The following MRTFB variants were observed in gnomAD, a reference collection of about 807,000 sequenced individuals.
MRTFB encodes myocardin-related transcription factor B.
In MRTFB, 29 loss-of-function variants were observed where a neutral mutation model predicts 104.2. The observed-to-expected ratio is 0.28, with a 90% CI of 0.21 to 0.38. The LOEUF is 0.38. MRTFB is among the 10% of genes least tolerant of loss of function. The probability of loss-of-function intolerance (pLI) is 1.00; values close to 1 mark genes in which losing one functional copy is unlikely to be tolerated. For missense variants in MRTFB, 1,270 were observed against 1,341.6 expected, an observed-to-expected ratio of 0.95 and a Z score of 0.83; for synonymous variants, 535 against 519.5, an observed-to-expected ratio of 1.03 and a Z score of -0.41.
At chr16:14,119,787 G>C (rs1346311609) in intron 2 of MRTFB, among the ~76,000 whole-genome samples, 1 of 152,130 alleles carries the variant, frequency 6.6e-6, no homozygotes, top group East Asian at 1.9e-4. Flanking sequence ...CTTAGTGTAG[G>C]AGTTTAGTCT....
chr16:14,193,272 T>C (rs994901301), intron 3 of MRTFB, among the ~76,000 whole-genome samples: 2 of 150,954 alleles, frequency 1.3e-5, no homozygotes, highest in African/African-American at 2.4e-5. Context: ...TCCTATTCCG[T>C]TGTGTCACTG....
the MRTFB span, among the ~76,000 whole-genome samples, chr16:14,049,101 G>A: frequency 5.9e-5 from 9 of 152,174 alleles, no homozygotes; most frequent in African/African-American, 1.7e-4. Flanking sequence ...TACTACTGGC[G>A]TCTAGTGGGT....
chr16:14,016,447 A>T, the MRTFB span, among the ~76,000 whole-genome samples: 1 of 151,888 alleles, frequency 6.6e-6, no homozygotes, highest in African/African-American at 2.4e-5. Context: ...TCGATGATGG[A>T]TATTTGTGGT....
intron 9 of MRTFB, among the ~76,000 whole-genome samples, chr16:14,237,308 A>G (rs2042562702): frequency 6.6e-6 from 1 of 152,236 alleles, no homozygotes. Context: ...AGACTCAGCA[A>G]AAACAGCTAG....
At chr16:14,073,994 A>G (rs1331802224) in intron 1 of MRTFB, among the ~76,000 whole-genome samples, 1 of 152,190 alleles carries the variant, frequency 6.6e-6, no homozygotes, top group Admixed American at 6.5e-5. Flanking sequence ...TATAACATTT[A>G]TATATGTTAC....
At chr16:14,252,106 T>C in intron 14 of MRTFB, 83 bp downstream of exon 14, 2 of 1,449,844 alleles carry the variant, frequency 1.4e-6, no homozygotes, top group East Asian at 4.6e-5. Flanking sequence ...GGGCTTGGAG[T>C]GACTAATGTT....
chr16:14,170,379 A>AGG (rs1369696028), intron 3 of MRTFB: 2 of 152,212 alleles, frequency 1.3e-5, no homozygotes, highest in Non-Finnish European at 2.9e-5. Context: ...TTGCAACCAC[A>AGG]ATCTGGGTGA....
chr16:14,097,534 G>A (rs1300073462), intron 2 of MRTFB, among the ~76,000 whole-genome samples: 1 of 152,148 alleles, frequency 6.6e-6, no homozygotes, highest in Non-Finnish European at 1.5e-5. Context: ...AATTCAAATG[G>A]GATATTATAA....
chr16:14,131,199 CA>C, intron 2 of MRTFB, among the ~76,000 whole-genome samples: 1 of 152,216 alleles, frequency 6.6e-6, no homozygotes, highest in East Asian at 1.9e-4. Context: ...CCCTATACTA[CA>C]CTGTCTCTGT....
chr16:14,155,913 A>G (rs2038809239), intron 3 of MRTFB, among the ~76,000 whole-genome samples: 1 of 152,188 alleles, frequency 6.6e-6, no homozygotes, highest in Non-Finnish European at 1.5e-5. Flanking sequence ...CTTTTTCAGC[A>G]TAGATCCTGT....
chr16:14,249,439 G>T (rs1426110589), intron 13 of MRTFB, among the ~76,000 whole-genome samples: 1 of 152,170 alleles, frequency 6.6e-6, no homozygotes, highest in Non-Finnish European at 1.5e-5. Flanking sequence ...CTGTTCCCTT[G>T]GAAAAGGTAT....
At chr16:14,211,496 A>G (rs529898852) in intron 4 of MRTFB, among the ~76,000 whole-genome samples, 1 of 152,282 alleles carries the variant, frequency 6.6e-6, no homozygotes, top group South Asian at 2.1e-4. Flanking sequence ...AGCCCAAGGA[A>G]TCCCAGTCCT....
intron 3 of MRTFB, among the ~76,000 whole-genome samples, chr16:14,174,277 T>A (rs541603492): frequency 6.6e-6 from 1 of 152,222 alleles, no homozygotes; most frequent in Non-Finnish European, 1.5e-5. Flanking sequence ...TGTGTCTATG[T>A]CACATTGTAT....
chr16:14,208,658 ACTTTAGCATTCCT>A (rs1015432860), intron 3 of MRTFB, among the ~76,000 whole-genome samples: 2 of 152,220 alleles, frequency 1.3e-5, no homozygotes, highest in Admixed American at 1.3e-4. Context: ...ACAAGCATTT[ACTTTAGCATTCCT>A]AGAAGAATGT....
At chr16:14,196,591 T>C (rs1257395955) in intron 3 of MRTFB, among the ~76,000 whole-genome samples, 4 of 152,378 alleles carry the variant, frequency 2.6e-5, no homozygotes, top group Admixed American at 2.0e-4. Flanking sequence ...TGAATAGTTT[T>C]TCAGTTAACT....
chr16:14,219,096 T>A, intron 8 of MRTFB, 98 bp downstream of exon 8: 1 of 1,214,138 alleles, frequency 8.2e-7, no homozygotes, highest in Non-Finnish European at 1.1e-6. Flanking sequence ...AAATTCTGAA[T>A]TGAATTTAAA....
rs562013410 is a variant in MRTFB at position 14,192,685 on chromosome 16, G to A, written c.155-17558G>A. Among the ~76,000 whole-genome samples, 3 of 152,246 alleles carry A rather than the reference G, an allele frequency of 2.0e-5. No homozygotes were observed. The South Asian group carries it at 6.2e-4, about 32-fold the overall frequency. ...CACATACACGAGATAACAGAAAAAA[G>A]CTATGTATGCTTTGGTCCAAATAAG... is the stretch of plus-strand genomic sequence containing the variant. On this transcript the variant is annotated intron_variant, in intron 3 of 16. Coordinates refer to ENST00000571589, the MANE Select transcript of MRTFB (RefSeq NM_001308142.2).
At chr16:14,122,097 C>G (rs1224341352) in intron 2 of MRTFB, among the ~76,000 whole-genome samples, 1 of 152,078 alleles carries the variant, frequency 6.6e-6, no homozygotes, top group Non-Finnish European at 1.5e-5. Context: ...TGCCTCCACT[C>G]TCCCTGCCTT....
At chr16:14,236,795 A>T (rs1032480468) in intron 9 of MRTFB, among the ~76,000 whole-genome samples, 1 of 152,220 alleles carries the variant, frequency 6.6e-6, no homozygotes, top group Non-Finnish European at 1.5e-5. Flanking sequence ...AGCTGCTGTA[A>T]CATTTTTGAG....
Sources: allele counts gnomAD v4.1 joint callset (sites outside exome capture counted in the v4.1 genomes callset), GRCh38; gene constraint gnomAD v4.1.1; transcripts MANE v1.5; gene names NCBI Gene and HGNC (gene_info 2026-07-23, HGNC 2026-07-21).